CD96: variants seen among roughly 807,000 people sequenced by gnomAD.
CD96 encodes CD96 molecule.
In CD96, 70 loss-of-function variants were observed where a neutral mutation model predicts 71.3. The ratio of observed to expected loss-of-function variants is 0.98; its 90% CI spans 0.81 to 1.20. CD96 has a LOEUF of 1.20. Among genes scored for constraint, CD96 ranks in the 50% most tolerant of loss-of-function variants. The pLI, the probability that CD96 is intolerant of heterozygous loss-of-function variation, is 0.00. For synonymous variants in CD96, 248 were observed against 233.0 expected, an observed-to-expected ratio of 1.06 and a Z score of -0.59; for missense variants, 742 against 677.5, an observed-to-expected ratio of 1.10 and a Z score of -1.06.
intron 12 of CD96, among the ~76,000 whole-genome samples, chr3:111,643,041 T>A (rs1469005812): frequency 7.2e-6 from 1 of 138,902 alleles, no homozygotes; most frequent in Non-Finnish European, 1.5e-5. Context: ...CAGACCTATA[T>A]CCTTGCTGAA....
At chr3:111,579,529 G>T (rs761201000) in intron 4 of CD96, 46 of 428,374 alleles carry the variant, frequency 1.1e-4, no homozygotes, top group Admixed American at 3.7e-4. Flanking sequence ...GTAAAGAAAA[G>T]GAATTTATTA....
chr3:111,640,090 C>A (rs900324853), intron 12 of CD96, among the ~76,000 whole-genome samples: 2 of 152,144 alleles, frequency 1.3e-5, no homozygotes, highest in African/African-American at 4.8e-5. Flanking sequence ...CCCCCCAAAA[C>A]AATCATCCTA....
At chr3:111,573,493 C>T (rs187754449) in intron 3 of CD96, among the ~76,000 whole-genome samples, 1 of 152,266 alleles carries the variant, frequency 6.6e-6, no homozygotes, top group East Asian at 1.9e-4. Context: ...AAATAGTTGG[C>T]TAGCAAAAGA....
intron 2 of CD96, among the ~76,000 whole-genome samples, chr3:111,554,217 A>C (rs1934870506): frequency 6.6e-6 from 1 of 151,816 alleles, no homozygotes; most frequent in Non-Finnish European, 1.5e-5. Flanking sequence ...CCCTTCTGTG[A>C]TTCAATTAGG....
Position 111,542,201 on chromosome 3 carries a change from G to C in CD96, c.-48G>C. ...TGGAGTTTGCTTGAAAACATCAATT[G>C]ACTTTGTGATCATTACAGAAATGCT... is the stretch of plus-strand genomic sequence containing the variant. On this transcript the variant is annotated 5_prime_UTR_variant, in exon 1 of 14. Coordinates refer to ENST00000352690, the MANE Select transcript of CD96 (RefSeq NM_005816.5). 4 of 1,566,746 alleles carry C rather than the reference G, an allele frequency of 2.6e-6. No individual in the cohort carries two copies. Among genetic ancestry groups the C allele is most frequent in the Non-Finnish European group, 2.6e-6 (3 of 1,136,906 alleles).
At chr3:111,631,623 A>G (rs1056537718) in intron 10 of CD96, among the ~76,000 whole-genome samples, 3 of 148,962 alleles carry the variant, frequency 2.0e-5, no homozygotes, top group Admixed American at 2.0e-4. Context: ...CATTCTTCAC[A>G]GAACTGGAAA....
At chr3:111,544,936 A>C in intron 1 of CD96, 110 bp from the exon 2 acceptor site, 9 of 853,558 alleles carry the variant, frequency 1.1e-5, no homozygotes, top group Non-Finnish European at 1.8e-5. Flanking sequence ...GCAGCCAGGG[A>C]GAAATTTCCT....
At chr3:111,665,700 T>C (rs1354716885) in exon 15 of CD96, 2 of 152,250 alleles carry the variant, frequency 1.3e-5, no homozygotes, top group African/African-American at 4.8e-5. Context: ...AAAGAGACTT[T>C]CATTCCTCCC....
At chr3:111,580,738 T>C (rs1284487049) in intron 4 of CD96, among the ~76,000 whole-genome samples, 2 of 152,126 alleles carry the variant, frequency 1.3e-5, no homozygotes, top group Admixed American at 1.3e-4. Flanking sequence ...TAGGCAATAA[T>C]CATCCCTGAT....
At chr3:111,610,196 C>T (rs773534571) in intron 8 of CD96, among the ~76,000 whole-genome samples, 1 of 152,182 alleles carries the variant, frequency 6.6e-6, no homozygotes, top group African/African-American at 2.4e-5. Context: ...CATGTTAAAC[C>T]AGTGGCAGAT....
chr3:111,552,486 T>C (rs1365519279), intron 2 of CD96, among the ~76,000 whole-genome samples: 1 of 152,158 alleles, frequency 6.6e-6, no homozygotes, highest in East Asian at 1.9e-4. Flanking sequence ...AGTTACCTAA[T>C]CTCAGATATT....
chr3:111,562,305 T>G (rs1442005019), intron 2 of CD96, among the ~76,000 whole-genome samples: 1 of 152,230 alleles, frequency 6.6e-6, no homozygotes, highest in East Asian at 1.9e-4. Context: ...CAATTACCTT[T>G]TTTCCTTATT....
chr3:111,598,338 T>C, intron 6 of CD96, 128 bp downstream of exon 6: 1 of 690,158 alleles, frequency 1.4e-6, no homozygotes, highest in South Asian at 1.6e-5. Context: ...AAAACATCAT[T>C]CTGCCTACCA....
In CD96 at chr3:111,651,116, C is replaced by T. The variant is rs993626710; in HGVS notation, c.*1310C>T. 1 of 152,174 alleles carries T rather than the reference C, an allele frequency of 6.6e-6. No individual in the cohort carries two copies. The highest frequency in any genetic ancestry group is 1.5e-5 in the Non-Finnish European group (1 of 68,024). 9.4% of individuals were successfully genotyped at this position (152,174 alleles called of 1,614,324 possible). The stretch of plus-strand genomic sequence containing the variant: ...ATCAGAATGTCTGAGGAGTGAGACA[C>T]AGGCATCAACACTCTCAAATGATTC... On this transcript the variant is annotated 3_prime_UTR_variant, in exon 14 of 14. Coordinates refer to ENST00000352690, the MANE Select transcript of CD96 (RefSeq NM_005816.5).
At position 111,551,333 on chromosome 3, in the gene CD96, T is replaced by G. The variant is rs376487305; in HGVS notation, c.418+5931T>G. 3.9e-5 allele frequency among the ~76,000 whole-genome samples: 6 copies of G among 152,310 alleles called. No individual in the cohort carries two copies. The East Asian group carries it at 9.7e-4, about 25-fold the overall frequency. ...GAGTCCAGGTATTGGAGAAGTCATC[T>G]GCATGGTCACTGAAAGCACCTAGGT... On this transcript the variant is annotated intron_variant, in intron 2 of 13. Coordinates refer to ENST00000352690, the MANE Select transcript of CD96 (RefSeq NM_005816.5).
chr3:111,570,995 C>T lies in CD96; in HGVS notation c.543+3348C>T. On this transcript the variant is annotated intron_variant, in intron 3 of 13. Transcript: ENST00000352690. ...CCAGAGTGAAAAGCTGGGAGGGCAT[C>T]TCCTGCTCCTCCAGCTTCTCTTTTG... 2.0e-6 allele frequency: 3 copies of T among 1,468,700 alleles called. No individual in the cohort carries two copies. The South Asian group carries it at 3.4e-5, about 17-fold the overall frequency. The allele number at this position is 1,468,700 out of a possible 1,614,324, so 91.0% of individuals were successfully genotyped here. A position where few individuals can be genotyped will look rare whatever the true frequency, so the allele number is the denominator to read the frequency against.
intron 3 of CD96, among the ~76,000 whole-genome samples, chr3:111,577,036 A>G (rs1008288847): frequency 1.3e-5 from 2 of 152,204 alleles, no homozygotes; most frequent in African/African-American, 2.4e-5. Context: ...TTCTTTCTGC[A>G]AAAGTCAACT....
rs764792939 is a variant in CD96, at chr3:111,648,005, C to T, written c.1601+339C>T. Among the ~76,000 whole-genome samples the T allele has an allele frequency of 1.9e-4, 29 of 152,120 alleles. 1 individual carries two copies. The highest frequency in any genetic ancestry group is 1.9e-4 in the Non-Finnish European group (13 of 68,006). On this transcript the variant is annotated intron_variant, in intron 13 of 13. Coordinates refer to ENST00000352690, the MANE Select transcript of CD96 (RefSeq NM_005816.5). ...TCTTCATTATTTTTTCATTTTCATG[C>T]ATCTTTGAACTGCCTAGGCTCCACT...
chr3:111,610,179 T>TA (rs1576386289), intron 8 of CD96, among the ~76,000 whole-genome samples: 1 of 152,244 alleles, frequency 6.6e-6, no homozygotes, highest in African/African-American at 2.4e-5. Flanking sequence ...TGTATGTCAA[T>TA]AAAACTCATG....
Sources: allele counts gnomAD v4.1 joint callset (sites outside exome capture counted in the v4.1 genomes callset), GRCh38; gene constraint gnomAD v4.1.1; transcripts MANE v1.5; gene names NCBI Gene and HGNC (gene_info 2026-07-23, HGNC 2026-07-21).